SCFD2: variants seen among roughly 807,000 people sequenced by gnomAD.
SCFD2 encodes sec1 family domain containing 2.
A neutral mutation model predicts 58.9 loss-of-function variants in SCFD2; 54 were observed. The ratio of observed to expected loss-of-function variants is 0.92; its 90% CI spans 0.74 to 1.15. The LOEUF (loss-of-function observed/expected upper bound fraction) is 1.15, where lower values mean the gene tolerates loss of function less well. SCFD2 is among the 50% of genes most tolerant of loss of function. The pLI is 0.00. For missense variants in SCFD2, 805 were observed against 836.6 expected (o/e 0.96, Z 0.47); for synonymous variants, 321 against 335.9 (o/e 0.96, Z 0.49).
intron 1 of SCFD2, among the ~76,000 whole-genome samples, chr4:53,352,987 T>A (rs1025285538): frequency 1.3e-5 from 2 of 152,224 alleles, no homozygotes; most frequent in South Asian, 2.1e-4. Flanking sequence ...GCAGAACTCA[T>A]GTCTGCTGTG....
At chr4:53,094,393 A>G (rs1414661282) in intron 5 of SCFD2, among the ~76,000 whole-genome samples, 1 of 152,086 alleles carries the variant, frequency 6.6e-6, no homozygotes, top group Non-Finnish European at 1.5e-5. Flanking sequence ...GTAGGTGGCC[A>G]TGTGTCTCCC....
intron 2 of SCFD2, among the ~76,000 whole-genome samples, chr4:53,331,136 C>T (rs1274911106): frequency 5.9e-5 from 9 of 151,782 alleles, no homozygotes; most frequent in Admixed American, 5.9e-4. Flanking sequence ...GACTCCCACA[C>T]ATTAATAATG....
At chr4:53,152,350 G>A (rs570618294) in intron 4 of SCFD2, among the ~76,000 whole-genome samples, 7 of 151,786 alleles carry the variant, frequency 4.6e-5, no homozygotes, top group Non-Finnish European at 1.0e-4. Context: ...TAACTGGAAT[G>A]GCTAAGTGAA....
intron 5 of SCFD2, among the ~76,000 whole-genome samples, chr4:53,022,447 T>A (rs1421327816): frequency 6.6e-6 from 1 of 152,210 alleles, no homozygotes; most frequent in African/African-American, 2.4e-5. Flanking sequence ...CTTGCTTGGT[T>A]TTCTGAGAAA....
intron 4 of SCFD2, among the ~76,000 whole-genome samples, chr4:53,238,634 G>A (rs1197320512): frequency 2.7e-5 from 4 of 148,658 alleles, no homozygotes; most frequent in Non-Finnish European, 5.9e-5. Context: ...GGAGCTCCTC[G>A]CTTCTCAGAC....
intron 5 of SCFD2, among the ~76,000 whole-genome samples, chr4:52,936,238 G>C (rs1023855998): frequency 6.6e-6 from 1 of 152,078 alleles, no homozygotes. Context: ...TGGGTACCTG[G>C]ATTAACTTTC....
chr4:53,161,106 A>C (rs1407842966), intron 4 of SCFD2, among the ~76,000 whole-genome samples: 2 of 152,212 alleles, frequency 1.3e-5, no homozygotes, highest in Non-Finnish European at 2.9e-5. Flanking sequence ...ACAAAAGCCA[A>C]GGGAAATGTA....
At chr4:53,220,325 A>C (rs1729011079) in intron 4 of SCFD2, among the ~76,000 whole-genome samples, 1 of 152,208 alleles carries the variant, frequency 6.6e-6, no homozygotes, top group Admixed American at 6.5e-5. Context: ...ATTAATCCTG[A>C]CATGCTGTAT....
At chr4:52,972,929 A>G (rs1347343546) in intron 5 of SCFD2, among the ~76,000 whole-genome samples, 9 of 152,236 alleles carry the variant, frequency 5.9e-5, no homozygotes, top group Non-Finnish European at 1.0e-4. Context: ...TGGGTACATA[A>G]CAAAATGAAG....
At chr4:53,223,891 T>C (rs1283684466) in intron 4 of SCFD2, among the ~76,000 whole-genome samples, 1 of 152,182 alleles carries the variant, frequency 6.6e-6, no homozygotes, top group Non-Finnish European at 1.5e-5. Flanking sequence ...ATAATACTTC[T>C]GCATTATAGA....
intron 4 of SCFD2, among the ~76,000 whole-genome samples, chr4:53,187,105 T>C (rs1159521709): frequency 6.6e-6 from 1 of 151,918 alleles, no homozygotes; most frequent in Non-Finnish European, 1.5e-5. Context: ...GAAAAGCTTG[T>C]ACAAATTAAT....
chr4:53,145,413 G>A lies in SCFD2; in HGVS notation c.1481C>T (p.Ala494Val), dbSNP rs767821180. 5.0e-6 allele frequency: 8 copies of A among 1,613,892 alleles called. No homozygotes were observed. The highest frequency in any genetic ancestry group is 1.7e-5 in the Admixed American group (1 of 59,988). Residue 494 changes from alanine to valine, a missense_variant, in exon 5 of 9, where the codon GCA becomes GTA. Ala to Val is a moderately conservative substitution (Grantham distance 64). Around this residue, in one of 3 missense-constraint regions of SCFD2, gnomAD observed 633 missense variants for 646.8 expected, o/e 0.98. Coordinates refer to ENST00000401642, the MANE Select transcript of SCFD2 (RefSeq NM_152540.4). The part of the protein sequence containing the change: ...ELTVDKDLCE[A>V]EEKVKKALAQ... Reference sequence around the variant, plus strand: ...CAATGCTTTCTTGACTTTTTCTTCTGCTTCACACAGGTCTTTGTCTACCGT... The same window carrying A: ...CAATGCTTTCTTGACTTTTTCTTCTACTTCACACAGGTCTTTGTCTACCGT...
intron 5 of SCFD2, among the ~76,000 whole-genome samples, chr4:53,055,372 A>G (rs1235459899): frequency 1.3e-5 from 2 of 152,138 alleles, no homozygotes; most frequent in Non-Finnish European, 2.9e-5. Context: ...GACAGGCAGA[A>G]AAGTGGCATG....
chr4:52,979,897 C>T (rs1471950383), intron 5 of SCFD2, among the ~76,000 whole-genome samples: 5 of 152,064 alleles, frequency 3.3e-5, no homozygotes, highest in Admixed American at 3.3e-4. Context: ...ATCTCTTGTT[C>T]CCCAATATCT....
In SCFD2 at chr4:52,927,305, A is replaced by AT. The variant is rs33950492; in HGVS notation, c.1562-6436dup. ...AATCCTTTGATGACAGACTAAGGTA[A>AT]TTTTTTTTTTTTTAGTATTGTCTGC... On this transcript the variant is annotated intron_variant, in intron 5 of 8. Coordinates refer to ENST00000401642, the MANE Select transcript of SCFD2 (RefSeq NM_152540.4). Among the ~76,000 whole-genome samples the AT allele has an allele frequency of 5.8e-3, 863 of 147,950 alleles. 5 individuals are homozygous for AT. The highest frequency in any genetic ancestry group is 0.016 in the African/African-American group (667 of 40,654).
chr4:53,120,196 G>C (rs1395745152), intron 5 of SCFD2, among the ~76,000 whole-genome samples: 1 of 152,016 alleles, frequency 6.6e-6, no homozygotes, highest in Non-Finnish European at 1.5e-5. Context: ...AATAAAGCTG[G>C]GGGAAAAGAG....
chr4:53,075,260 A>G (rs1723937387), intron 5 of SCFD2, among the ~76,000 whole-genome samples: 1 of 152,184 alleles, frequency 6.6e-6, no homozygotes, highest in Non-Finnish European at 1.5e-5. Context: ...GATAGAATTG[A>G]AAATATTTAG....
Position 52,930,201 on chromosome 4 carries a change from C to T in SCFD2, c.1562-9331G>A, listed in dbSNP as rs575534837. Among the ~76,000 whole-genome samples the T allele has an allele frequency of 7.0e-4, 106 of 152,256 alleles. 1 individual carries two copies. The South Asian group carries it at 0.013, about 19-fold the overall frequency. ...AATAGAGATCTCAGAAATAAGACCA[C>T]ACATCTACAACCATCTGATCCAAAT... On this transcript the variant is annotated intron_variant, in intron 5 of 8. Transcript: ENST00000401642.
chr4:53,029,023 T>C (rs933013312), intron 5 of SCFD2, among the ~76,000 whole-genome samples: 1 of 152,216 alleles, frequency 6.6e-6, no homozygotes, highest in African/African-American at 2.4e-5. Context: ...AGATGGCAGT[T>C]TCTAGTACTC....
Sources: allele counts gnomAD v4.1 joint callset (sites outside exome capture counted in the v4.1 genomes callset), GRCh38; gene constraint gnomAD v4.1.1; regional missense constraint gnomAD v4.1.1; transcripts MANE v1.5; gene names NCBI Gene and HGNC (gene_info 2026-07-23, HGNC 2026-07-21).